PLCE1: variants seen among roughly 807,000 people sequenced by gnomAD.
PLCE1 encodes 1-phosphatidylinositol 4,5-bisphosphate phosphodiesterase epsilon-1.
In PLCE1, 119 loss-of-function variants were observed where a neutral mutation model predicts 242.8. That is an observed-to-expected ratio of 0.49 (90% CI 0.42 to 0.57). The LOEUF is 0.57. PLCE1 is among the 20% of genes least tolerant of loss of function. The pLI, the probability that PLCE1 is intolerant of heterozygous loss-of-function variation, is 0.00. For missense variants in PLCE1, 2,441 were observed against 2,788.8 expected, an observed-to-expected ratio of 0.88 and a Z score of 2.81; for synonymous variants, 945 against 1,017.4, an observed-to-expected ratio of 0.93 and a Z score of 1.35.
At position 94,072,299 on chromosome 10, in the gene PLCE1, T is replaced by C. The variant is rs142380993; in HGVS notation, c.1206+40047T>C. On this transcript the variant is annotated intron_variant, in intron 2 of 32. Transcript: ENST00000371380. Reference sequence around the variant, plus strand: ...TTTTTGTTTTTTTTGTTTTTTTAGATGGAGTCTCGCTCTGTCACCCAGGCC... The same window carrying C: ...TTTTTGTTTTTTTTGTTTTTTTAGACGGAGTCTCGCTCTGTCACCCAGGCC... 1.6e-3 allele frequency among the ~76,000 whole-genome samples: 241 copies of C among 152,110 alleles called. 2 individuals carry two copies. The highest frequency in any genetic ancestry group is 4.3e-3 in the African/African-American group (179 of 41,486).
rs2054101184 is a variant in PLCE1 at position 94,328,139 on chromosome 10, A to C, written c.*196A>C. The C allele has an allele frequency of 1.8e-5, 6 of 334,834 alleles. No homozygotes were observed. The highest frequency in any genetic ancestry group is 1.6e-4 in the South Asian group (6 of 37,126). The allele number at this position is 334,834 out of a possible 1,614,324, so 20.7% of individuals were successfully genotyped here. The stretch of plus-strand genomic sequence containing the variant: ...AGGGCTAGTTGCCACCAACCAATTT[A>C]CTGATGAATGAAGCCCAGGGGACTG... On this transcript the variant is annotated 3_prime_UTR_variant, in exon 33 of 33. Transcript: ENST00000371380.
intron 29 of PLCE1, among the ~76,000 whole-genome samples, chr10:94,320,176 ATAT>A (rs1477177622): frequency 1.3e-5 from 2 of 152,156 alleles, no homozygotes; most frequent in Non-Finnish European, 2.9e-5. Context: ...GTGCAATGAC[ATAT>A]TATTAAGCAA....
intron 24 of PLCE1, among the ~76,000 whole-genome samples, chr10:94,299,314 A>T (rs2052954899): frequency 6.6e-6 from 1 of 152,030 alleles, no homozygotes; most frequent in African/African-American, 2.4e-5. Context: ...TTGACCCCCT[A>T]TTATCTTATT....
intron 24 of PLCE1, among the ~76,000 whole-genome samples, chr10:94,299,041 G>T (rs1328497191): frequency 6.6e-6 from 1 of 152,180 alleles, no homozygotes; most frequent in Admixed American, 6.5e-5. Flanking sequence ...TGTTCTTGCA[G>T]TCAAAAGGTA....
chr10:94,289,192 C>G (rs2052565413), intron 22 of PLCE1, among the ~76,000 whole-genome samples: 1 of 152,136 alleles, frequency 6.6e-6, no homozygotes, highest in Non-Finnish European at 1.5e-5. Context: ...TCTTGCAAAA[C>G]CAGTGAACAC....
intron 7 of PLCE1, among the ~76,000 whole-genome samples, chr10:94,243,508 A>T (rs1282642596): frequency 6.6e-6 from 1 of 152,248 alleles, no homozygotes; most frequent in Non-Finnish European, 1.5e-5. Context: ...ATTATGACAC[A>T]TATACCAGAC....
intron 2 of PLCE1, chr10:94,089,013 G>A (rs1443791427): frequency 4.7e-6 from 7 of 1,477,876 alleles, no homozygotes; most frequent in African/African-American, 1.4e-5. Flanking sequence ...TTCAGCTAAT[G>A]TAAACACTCA....
chr10:94,025,757 T>G (rs1925244), intron 1 of PLCE1, among the ~76,000 whole-genome samples: 49,252 of 152,028 alleles, frequency 0.32, 8,764 homozygotes, highest in African/African-American at 0.48. Context: ...TGAAAGAATA[T>G]GAGATGAGCC....
rs191761783 is a variant in PLCE1 at position 94,224,739 on chromosome 10, C to G, written c.1810-2567C>G. ...GACTAAAGGAAGAATTAGATGGATG[C>G]ACCAATGACTCAGTCTCTGTTAGCA... On this transcript the variant is annotated intron_variant, in intron 4 of 32. Transcript: ENST00000371380. 4.8e-3 allele frequency among the ~76,000 whole-genome samples: 738 copies of G among 152,290 alleles called. 6 individuals carry two copies. The highest frequency in any genetic ancestry group is 0.017 in the African/African-American group (695 of 41,546).
intron 23 of PLCE1, among the ~76,000 whole-genome samples, chr10:94,294,909 C>CTTTT (rs766555881): frequency 4.7e-4 from 48 of 101,492 alleles, no homozygotes; most frequent in Non-Finnish European, 5.3e-4. Flanking sequence ...CATGATAGAA[C>CTTTT]TTTTTTTTTT....
At chr10:94,000,911 C>A (rs1188965872) in intron 1 of PLCE1, among the ~76,000 whole-genome samples, 1 of 152,206 alleles carries the variant, frequency 6.6e-6, no homozygotes, top group Non-Finnish European at 1.5e-5. Context: ...TGACTACCAG[C>A]CAGTAGGAGT....
At chr10:94,173,344 T>C (rs2048039256) in intron 4 of PLCE1, among the ~76,000 whole-genome samples, 1 of 152,170 alleles carries the variant, frequency 6.6e-6, no homozygotes, top group African/African-American at 2.4e-5. Flanking sequence ...AGCTTGCAAA[T>C]GTCACTGCCC....
At chr10:94,259,820 G>A (rs1342623071) in intron 13 of PLCE1, among the ~76,000 whole-genome samples, 2 of 152,084 alleles carry the variant, frequency 1.3e-5, no homozygotes, top group Non-Finnish European at 2.9e-5. Context: ...AGGTTTAAGG[G>A]GCTCACAGTT....
intron 24 of PLCE1, among the ~76,000 whole-genome samples, chr10:94,301,455 G>A (rs1050744639): frequency 6.6e-6 from 1 of 152,130 alleles, no homozygotes; most frequent in Non-Finnish European, 1.5e-5. Flanking sequence ...TTTCCAGGCT[G>A]GAAAGTGCTT....
intron 2 of PLCE1, among the ~76,000 whole-genome samples, chr10:94,047,315 G>C (rs1435661337): frequency 6.6e-6 from 1 of 152,172 alleles, no homozygotes; most frequent in Non-Finnish European, 1.5e-5. Context: ...ATTAGTTCCT[G>C]CCAGGGGCCA....
At chr10:94,008,835 C>T (rs2061104676) in intron 1 of PLCE1, among the ~76,000 whole-genome samples, 1 of 152,088 alleles carries the variant, frequency 6.6e-6, no homozygotes, top group Non-Finnish European at 1.5e-5. Context: ...AGTGTTGCTG[C>T]CATGGCTTAG....
intron 2 of PLCE1, among the ~76,000 whole-genome samples, chr10:94,056,023 A>C (rs1176112422): frequency 6.6e-6 from 1 of 152,230 alleles, no homozygotes; most frequent in African/African-American, 2.4e-5. Flanking sequence ...GGTGCTGCTT[A>C]GTTGAATAGT....
At chr10:94,095,040 AT>A (rs566830627) in intron 2 of PLCE1, among the ~76,000 whole-genome samples, 65 of 152,316 alleles carry the variant, frequency 4.3e-4, no homozygotes, top group Non-Finnish European at 8.1e-4. Flanking sequence ...ACTGCAGACC[AT>A]TTTGGCAACT....
chr10:94,129,151 C>T (rs1010805252), intron 2 of PLCE1, among the ~76,000 whole-genome samples: 2 of 152,064 alleles, frequency 1.3e-5, no homozygotes, highest in Non-Finnish European at 1.5e-5. Context: ...CAGAATAAGG[C>T]GGAGATGGAA....
Sources: gnomAD v4.1 joint callset for allele counts (sites outside exome capture counted in the v4.1 genomes callset) on GRCh38, gnomAD v4.1.1 for gene constraint, MANE v1.5 for transcripts, NCBI Gene and HGNC (gene_info 2026-07-23, HGNC 2026-07-21) for gene names.